CCDC33: variants seen among roughly 807,000 people sequenced by gnomAD.
CCDC33 encodes the protein coiled-coil domain-containing protein 33.
CCDC33 carries 94 observed loss-of-function variants against 91.9 expected under a neutral mutation model. The observed-to-expected ratio is 1.02, with a 90% CI of 0.87 to 1.21. The LOEUF is 1.21. Among genes scored for constraint, CCDC33 ranks in the 50% most tolerant of loss-of-function variants. The pLI, the probability that CCDC33 is intolerant of heterozygous loss-of-function variation, is 0.00. For synonymous variants in CCDC33, 396 were observed against 374.5 expected, an observed-to-expected ratio of 1.06 and a Z score of -0.66; for missense variants, 940 against 935.5, an observed-to-expected ratio of 1.00 and a Z score of -0.06.
At chr15:74,279,728 G>C (rs2076542600) in intron 7 of CCDC33, among the ~76,000 whole-genome samples, 1 of 152,040 alleles carries the variant, frequency 6.6e-6, no homozygotes, top group African/African-American at 2.4e-5. Context: ...GTAGAGACAG[G>C]GTTTTGCCAT....
intron 2 of CCDC33, among the ~76,000 whole-genome samples, chr15:74,220,799 C>T (rs2074568589): frequency 6.6e-6 from 1 of 152,110 alleles, no homozygotes; most frequent in Non-Finnish European, 1.5e-5. Context: ...AATCATAACC[C>T]TGACGACAGG....
intron 11 of CCDC33, among the ~76,000 whole-genome samples, chr15:74,307,589 T>C (rs2142718394): frequency 6.6e-6 from 1 of 152,156 alleles, no homozygotes; most frequent in African/African-American, 2.4e-5. Context: ...TAACTCACCA[T>C]CTTCCCAGCC....
chr15:74,272,840 G>A lies in CCDC33; in HGVS notation c.708G>A (p.Pro236=), dbSNP rs79172627. The A allele has an allele frequency of 0.052, 83,406 of 1,614,046 alleles. 2,786 individuals are homozygous for A. The highest frequency in any genetic ancestry group is 0.14 in the African/African-American group (10,798 of 75,030). ...TCACCCCACTGTCCTTCCCTATCCC[G>A]TCCATGATGAACTTTGACGTGCCTC... ...LPITPLSFPI[P]SMMNFDVPRV... is the part of the protein sequence containing the mutation. Residue 236 remains proline, a synonymous_variant, in exon 7 of 19, where the codon CCG becomes CCA. Coordinates refer to ENST00000398814, the MANE Select transcript of CCDC33 (RefSeq NM_025055.5).
At chr15:74,235,350 T>TA (rs1595907555), upstream of CCDC33, among the ~76,000 whole-genome samples, 1 of 151,920 alleles carries the variant, frequency 6.6e-6, no homozygotes, top group East Asian at 1.9e-4. Context: ...GGAGTGGGGG[T>TA]AGAGAGGGAG....
chr15:74,289,419 A>G (rs1280039371), intron 10 of CCDC33, among the ~76,000 whole-genome samples: 1 of 152,148 alleles, frequency 6.6e-6, no homozygotes, highest in African/African-American at 2.4e-5. Context: ...AGCTCATCTC[A>G]AATGTCTCAC....
At chr15:74,268,284 G>A (rs894644527) in intron 4 of CCDC33, 58 bp from the exon 5 acceptor site, 23 of 1,238,360 alleles carry the variant, frequency 1.9e-5, no homozygotes, top group Admixed American at 1.0e-4. Flanking sequence ...TTATGGCCAG[G>A]ATCTGCCCCT....
chr15:74,239,176 C>T (rs964668360), intron 1 of CCDC33, among the ~76,000 whole-genome samples: 11 of 152,058 alleles, frequency 7.2e-5, no homozygotes, highest in Non-Finnish European at 1.5e-4. Context: ...TTCAGACACA[C>T]GGCCCTTCTA....
rs150248738 is a variant in CCDC33, at chr15:74,329,942, G to A, written c.1291-247G>A. Reference sequence around the variant, plus strand: ...ACACCTGGGGTTTCCCCCTGAGTTGGTATCACAGGACGTGATGTGGCCCCG... The same window carrying A: ...ACACCTGGGGTTTCCCCCTGAGTTGATATCACAGGACGTGATGTGGCCCCG... On this transcript the variant is annotated intron_variant, in intron 11 of 18. Transcript: ENST00000398814. Among the ~76,000 whole-genome samples, 4 of 152,310 alleles carry A rather than the reference G, an allele frequency of 2.6e-5. No homozygotes were observed. In the East Asian group the frequency reaches 7.7e-4, roughly 29 times the overall value.
chr15:74,325,028 C>T (rs1306793453), intron 11 of CCDC33, among the ~76,000 whole-genome samples: 2 of 151,606 alleles, frequency 1.3e-5, no homozygotes, highest in African/African-American at 4.9e-5. Context: ...AGCCCCCTGC[C>T]AACCTCCTGC....
chr15:74,307,372 T>A (rs923779551), intron 11 of CCDC33, among the ~76,000 whole-genome samples: 1 of 152,192 alleles, frequency 6.6e-6, no homozygotes, highest in Admixed American at 6.5e-5. Flanking sequence ...CACAATCTCA[T>A]GTAATCCTCA....
intron 2 of CCDC33, among the ~76,000 whole-genome samples, chr15:74,251,568 A>G (rs1180350461): frequency 2.6e-5 from 4 of 152,236 alleles, no homozygotes; most frequent in Non-Finnish European, 5.9e-5. Flanking sequence ...GGACAGAGCC[A>G]GGACTCGAAG....
Position 74,309,580 on chromosome 15 carries a change from G to A in CCDC33, c.1290+13632G>A, listed in dbSNP as rs141038453. Among the ~76,000 whole-genome samples, 28 of 152,286 alleles carry A rather than the reference G, an allele frequency of 1.8e-4. No homozygotes were observed. In the East Asian group the frequency reaches 4.4e-3, roughly 24 times the overall value. Reference sequence around the variant, plus strand: ...GTGAAAACCTCACAGTGCCTGGAGCGGCTTCTGTGAGCCATGAAGAGCTTC... The same window carrying A: ...GTGAAAACCTCACAGTGCCTGGAGCAGCTTCTGTGAGCCATGAAGAGCTTC... On this transcript the variant is annotated intron_variant, in intron 11 of 18. Coordinates refer to ENST00000398814, the MANE Select transcript of CCDC33 (RefSeq NM_025055.5).
rs922665172 is a variant in CCDC33, at chr15:74,244,554, G to T, written c.185+406G>T. ...CCACCCCACCATACCCAGCCCTGGG[G>T]TAGGGTCCTCATAACCACCCTCCCC... is the stretch of plus-strand genomic sequence containing the variant. On this transcript the variant is annotated intron_variant, in intron 2 of 18. Coordinates refer to ENST00000398814, the MANE Select transcript of CCDC33 (RefSeq NM_025055.5). The surrounding 1 kb of genome is among the most constrained non-coding windows in gnomAD (Gnocchi z 4.2). Among the ~76,000 whole-genome samples the T allele has an allele frequency of 6.6e-6, 1 of 152,068 alleles. No individual in the cohort carries two copies. Among genetic ancestry groups the T allele is most frequent in the African/African-American group, 2.4e-5 (1 of 41,408 alleles).
chr15:74,252,447 A>T (rs1249284488), intron 2 of CCDC33, among the ~76,000 whole-genome samples: 1 of 152,208 alleles, frequency 6.6e-6, no homozygotes, highest in East Asian at 1.9e-4. Context: ...AGTCCCAGGA[A>T]TAAGGCAGCC....
chr15:74,243,666 G>A (rs1311151522), intron 1 of CCDC33: 6 of 465,984 alleles, frequency 1.3e-5, no homozygotes, highest in Non-Finnish European at 2.6e-5. Flanking sequence ...AGCAGAGGAG[G>A]CCACTCAGGG....
chr15:74,209,412 A>G (rs2074333424), exon 2 of CCDC33: 22 of 1,535,526 alleles, frequency 1.4e-5, no homozygotes, highest in Admixed American at 2.0e-5. Context: ...ATGAATTGCC[A>G]GAGGGGAACC....
intron 10 of CCDC33, among the ~76,000 whole-genome samples, chr15:74,289,135 C>T (rs575141949): frequency 5.4e-4 from 83 of 152,298 alleles, no homozygotes; most frequent in Middle Eastern, 3.4e-3. Flanking sequence ...AGCTGCTCCA[C>T]CAGCTTCGCA....
chr15:74,299,302 C>T (rs1489008090), intron 11 of CCDC33, among the ~76,000 whole-genome samples: 1 of 152,216 alleles, frequency 6.6e-6, no homozygotes, highest in African/African-American at 2.4e-5. Context: ...TAAGGACTGG[C>T]TGCTAGCCCT....
intron 2 of CCDC33, among the ~76,000 whole-genome samples, chr15:74,226,690 T>A (rs1176244778): frequency 1.3e-5 from 2 of 152,060 alleles, no homozygotes; most frequent in Non-Finnish European, 2.9e-5. Flanking sequence ...TAGCCCGTCG[T>A]GGTGGCATGT....
Sources: gnomAD v4.1 joint callset for allele counts (sites outside exome capture counted in the v4.1 genomes callset) on GRCh38, gnomAD v4.1.1 for gene constraint, Gnocchi (gnomAD v3.1) non-coding constraint, MANE v1.5 for transcripts, NCBI Gene and HGNC (gene_info 2026-07-23, HGNC 2026-07-21) for gene names.